The following SLIT2 variants were observed in gnomAD, a reference collection of about 807,000 sequenced individuals.
The protein encoded by SLIT2 is slit guidance ligand 2, also known as slit homolog 2 protein.
Under a neutral mutation model 185.7 loss-of-function variants are expected in SLIT2, and 41 were observed. The observed-to-expected ratio is 0.22, with a 90% CI of 0.17 to 0.29. The LOEUF is 0.29. SLIT2 is among the 10% of genes least tolerant of loss of function. The probability of loss-of-function intolerance (pLI) is 1.00; values close to 1 mark genes in which losing one functional copy is unlikely to be tolerated. For synonymous variants in SLIT2, 693 were observed against 680.2 expected (o/e 1.02, Z -0.29); for missense variants, 1,571 against 1,909.0 (o/e 0.82, Z 3.30).
chr4:20,557,768 T>C (rs1358641865), intron 26 of SLIT2, among the ~76,000 whole-genome samples: 2 of 152,084 alleles, frequency 1.3e-5, no homozygotes, highest in South Asian at 4.1e-4. Flanking sequence ...ATTGAAATCC[T>C]TCTGGAAAAG....
At chr4:20,325,994 C>T (rs1172323235) in intron 4 of SLIT2, among the ~76,000 whole-genome samples, 1 of 152,028 alleles carries the variant, frequency 6.6e-6, no homozygotes, top group African/African-American at 2.4e-5. Context: ...ATGGCAGTGG[C>T]TTTTCTTAGT....
intron 19 of SLIT2, 146 bp from the exon 20 acceptor site, chr4:20,541,307 G>C: frequency 1.5e-6 from 1 of 653,236 alleles, no homozygotes; most frequent in Non-Finnish European, 2.6e-6. Flanking sequence ...TACTGCATGT[G>C]ATTCTGAGTA....
At chr4:20,304,814 C>T (rs1717387405) in intron 4 of SLIT2, among the ~76,000 whole-genome samples, 1 of 152,086 alleles carries the variant, frequency 6.6e-6, no homozygotes, top group South Asian at 2.1e-4. Flanking sequence ...CCACTCACAC[C>T]ACAGAATTTT....
intron 4 of SLIT2, among the ~76,000 whole-genome samples, chr4:20,413,629 G>A (rs750491612): frequency 1.3e-4 from 19 of 151,736 alleles, no homozygotes; most frequent in African/African-American, 2.7e-4. Context: ...CTGTTTTTAC[G>A]TGTCATGTTA....
rs747067128 is a variant in SLIT2 at position 20,616,896 on chromosome 4, G to T, written c.3848-14G>T. 5.1e-6 allele frequency: 8 copies of T among 1,578,226 alleles called. No homozygotes were observed. In the East Asian group the frequency reaches 1.8e-4, roughly 36 times the overall value. ...CCCAGAGAGCCTGACCTCTGACCTG[G>T]TGTTCCTCCCCAGGCATGCCAGGGA... On this transcript the variant is annotated splice_polypyrimidine_tract_variant and intron_variant, in intron 34 of 36. Coordinates refer to ENST00000504154, the MANE Select transcript of SLIT2 (RefSeq NM_004787.4).
intron 29 of SLIT2, among the ~76,000 whole-genome samples, chr4:20,585,089 AC>A (rs1407562675): frequency 1.3e-5 from 2 of 152,102 alleles, no homozygotes; most frequent in Admixed American, 6.6e-5. Flanking sequence ...ACAAAAAAAA[AC>A]AACCTCTATG....
chr4:20,319,698 A>G (rs1718887343), intron 4 of SLIT2, among the ~76,000 whole-genome samples: 1 of 151,648 alleles, frequency 6.6e-6, no homozygotes, highest in Admixed American at 6.6e-5. Flanking sequence ...AATGAATGAA[A>G]TGAGTTTGCA....
chr4:20,472,376 C>A (rs371383039), intron 5 of SLIT2, among the ~76,000 whole-genome samples: 10 of 9,236 alleles, frequency 1.1e-3, no homozygotes, highest in Admixed American at 4.7e-3. Context: ...ATATCTATAT[C>A]TATATATATG....
At chr4:20,326,769 T>TTTTA (rs1553880174) in intron 4 of SLIT2, among the ~76,000 whole-genome samples, 22 of 148,818 alleles carry the variant, frequency 1.5e-4, no homozygotes, top group African/African-American at 5.2e-4. Context: ...TTTTTTTTTT[T>TTTTA]AAGTACATGA....
chr4:20,383,949 A>C (rs1328236520), intron 4 of SLIT2, among the ~76,000 whole-genome samples: 2 of 151,884 alleles, frequency 1.3e-5, no homozygotes, highest in East Asian at 3.9e-4. Context: ...CAAGTGATCC[A>C]CTCACCTAGG....
chr4:20,467,207 C>T (rs1249468776), intron 4 of SLIT2, among the ~76,000 whole-genome samples: 2 of 152,092 alleles, frequency 1.3e-5, no homozygotes, highest in Non-Finnish European at 2.9e-5. Context: ...TATGCATAAA[C>T]TGTTCGTTTT....
At chr4:20,412,059 G>A (rs1727298323) in intron 4 of SLIT2, among the ~76,000 whole-genome samples, 1 of 152,028 alleles carries the variant, frequency 6.6e-6, no homozygotes, top group African/African-American at 2.4e-5. Context: ...ATGGGCTTTG[G>A]AAGACAATAT....
intron 4 of SLIT2, among the ~76,000 whole-genome samples, chr4:20,439,231 G>T (rs1164184801): frequency 6.6e-6 from 1 of 152,102 alleles, no homozygotes; most frequent in East Asian, 1.9e-4. Flanking sequence ...GAAATGCCTT[G>T]GTCTAGGCCA....
intron 16 of SLIT2, among the ~76,000 whole-genome samples, chr4:20,530,274 C>CT (rs879748943): frequency 0.01 from 1,504 of 145,296 alleles, 23 homozygotes; most frequent in African/African-American, 0.033. Flanking sequence ...CACAATAGTA[C>CT]TTTTTTTTTT....
At chr4:20,614,350 TATTGCC>T (rs1729470732) in intron 34 of SLIT2, among the ~76,000 whole-genome samples, 1 of 152,166 alleles carries the variant, frequency 6.6e-6, no homozygotes, top group Non-Finnish European at 1.5e-5. Flanking sequence ...TTGGTCTCTT[TATTGCC>T]ATTTTGAGGC....
intron 4 of SLIT2, among the ~76,000 whole-genome samples, chr4:20,334,471 T>TA (rs1444655431): frequency 6.6e-6 from 1 of 152,172 alleles, no homozygotes; most frequent in South Asian, 2.1e-4. Context: ...AAGTATAATA[T>TA]AAAACTAATT....
chr4:20,345,372 G>C (rs1280581828), intron 4 of SLIT2, among the ~76,000 whole-genome samples: 1 of 152,070 alleles, frequency 6.6e-6, no homozygotes, highest in Non-Finnish European at 1.5e-5. Flanking sequence ...TTTTGCCAAG[G>C]TTGGGAGCTT....
At chr4:20,456,730 G>A (rs573477788) in intron 4 of SLIT2, among the ~76,000 whole-genome samples, 50 of 152,132 alleles carry the variant, frequency 3.3e-4, no homozygotes, top group South Asian at 1.0e-3. Flanking sequence ...ATGCTATGTT[G>A]ACTAAATATG....
chr4:20,483,358 C>T (rs187975182), intron 6 of SLIT2, among the ~76,000 whole-genome samples: 123 of 152,094 alleles, frequency 8.1e-4, no homozygotes, highest in African/African-American at 2.6e-3. Flanking sequence ...AACACTTGCA[C>T]GTTCACGGAG....
Sources: allele counts gnomAD v4.1 joint callset (sites outside exome capture counted in the v4.1 genomes callset), GRCh38; gene constraint gnomAD v4.1.1; transcripts MANE v1.5; gene names NCBI Gene and HGNC (gene_info 2026-07-23, HGNC 2026-07-21).